Variants in ZNF8 observed in about 807,000 individuals in gnomAD.
The protein encoded by ZNF8 is zinc finger protein 8.
In ZNF8, 9 loss-of-function variants were observed where a neutral mutation model predicts 12.2. The ratio of observed to expected loss-of-function variants is 0.73; its 90% CI spans 0.44 to 1.28. The LOEUF (loss-of-function observed/expected upper bound fraction) is 1.28. ZNF8 is among the 50% of genes most tolerant of loss of function. ZNF8 has a pLI of 0.00. For missense variants in ZNF8, 664 were observed against 729.1 expected (o/e 0.91, Z 1.03); for synonymous variants, 274 against 282.3 (o/e 0.97, Z 0.30).
intron 1 of ZNF8, among the ~76,000 whole-genome samples, chr19:58,285,159 T>TG (rs950509762): frequency 2.7e-5 from 4 of 150,106 alleles, no homozygotes; most frequent in Non-Finnish European, 5.9e-5. Context: ...GTTTTTTTGT[T>TG]TTTTTTTTTT....
rs540035257 is a variant in ZNF8, at chr19:58,285,993, T to C, written c.194-117T>C. On this transcript the variant is annotated intron_variant, in intron 2 of 3. Coordinates refer to ENST00000621650, the MANE Select transcript of ZNF8 (RefSeq NM_021089.3). ...GCCCTTTTCCATCACCATGCAGAGC[T>C]TCACCATGTTGTGAGGTGCCCACGT... 1.0e-4 allele frequency: 147 copies of C among 1,409,402 alleles called. 2 individuals carry two copies. In the South Asian group the frequency reaches 1.7e-3, roughly 16 times the overall value. 87.3% of individuals were successfully genotyped at this position (1,409,402 alleles called of 1,614,324 possible). A position where few individuals can be genotyped will look rare whatever the true frequency, so the allele number is the denominator to read the frequency against.
chr19:58,290,906 A>T (rs970562038), intron 3 of ZNF8, among the ~76,000 whole-genome samples: 8 of 152,322 alleles, frequency 5.3e-5, no homozygotes, highest in Admixed American at 3.9e-4. Context: ...CAAAAAAATT[A>T]GCTGGGTGTG....
rs774910816 is a variant in ZNF8 at position 58,294,178 on chromosome 19, A to G, written c.370A>G (p.Arg124Gly). The G allele has an allele frequency of 6.2e-6, 10 of 1,613,964 alleles. No individual in the cohort carries two copies. In the Admixed American group the frequency reaches 1.0e-4, roughly 16 times the overall value. Residue 124 changes from arginine (R) to glycine (G), a missense_variant, in exon 4 of 4, where the codon AGG (arginine) becomes GGG (glycine). Physicochemically the swap from Arg to Gly is moderately radical, Grantham distance 125 (BLOSUM62 -2). Around this residue, in one of 3 missense-constraint regions of ZNF8, gnomAD observed 306 missense variants for 308.7 expected, o/e 0.99. Transcript: ENST00000621650. The surrounding 1 kb of genome is among the most constrained non-coding windows in gnomAD (Gnocchi z 5.5). ...AGAGGAGCCATCCCATGTCACGGGA[A>G]GGGAAGGATTCCCGACAGATGCTCC... ...PEEEPSHVTG[R>G]EGFPTDAPYP...
At chr19:58,287,677 C>G (rs1056386994) in intron 3 of ZNF8, among the ~76,000 whole-genome samples, 53 of 138,242 alleles carry the variant, frequency 3.8e-4, no homozygotes, top group African/African-American at 1.4e-3. Context: ...AGTCTCACTC[C>G]GTTGCACAGG....
At chr19:58,279,225 G>C (rs1568521533) in intron 1 of ZNF8, 78 bp downstream of exon 1, 1 of 1,536,988 alleles carries the variant, frequency 6.5e-7, no homozygotes. Context: ...TCACCTCGCG[G>C]CGCGATGAGA....
chr19:58,285,768 G>A lies in ZNF8; in HGVS notation c.118G>A (p.Gly40Arg). ...VAVDFTQEEW[G>R]QLDPTQRILY... The stretch of plus-strand genomic sequence containing the variant: ...TGTGGACTTTACCCAGGAGGAATGG[G>A]GGCAGCTGGACCCTACCCAGAGGAT... Residue 40 changes from glycine to arginine, a missense_variant, in exon 2 of 4, where the codon GGG becomes AGG. Transcript: ENST00000621650. 6.2e-7 allele frequency: 1 copy of A among 1,614,158 alleles called. No individual in the cohort carries two copies.
At position 58,294,647 on chromosome 19, in the gene ZNF8, C is replaced by T. The variant is rs1479605788; in HGVS notation, c.839C>T (p.Thr280Met). 9 of 1,614,016 alleles carry T rather than the reference C, an allele frequency of 5.6e-6. No homozygotes were observed. Among genetic ancestry groups the T allele is most frequent in the East Asian group, 2.2e-5 (1 of 44,902 alleles). Residue 280 changes from threonine to methionine, a missense_variant, in exon 4 of 4, where the codon ACG becomes ATG. Thr to Met is a moderately conservative substitution (Grantham distance 81). Coordinates refer to ENST00000621650, the MANE Select transcript of ZNF8 (RefSeq NM_021089.3). The surrounding 1 kb of genome is among the most constrained non-coding windows in gnomAD (Gnocchi z 5.5). The stretch of plus-strand genomic sequence containing the variant: ...CTCACCGTGCACAAGAGGATTCATA[C>T]GGGAGAAAGACCTTATATGTGCAAG... ...AHLTVHKRIH[T>M]GERPYMCKEC...
chr19:58,295,054 C>G lies in ZNF8; in HGVS notation c.1246C>G (p.Gln416Glu). The part of the protein sequence containing the change: ...FRHSSSLAQH[Q>E]RKHAGEKPFE... ...GCACAGCTCATCCCTGGCCCAGCAC[C>G]AGCGGAAGCACGCGGGGGAGAAGCC... Residue 416 changes from glutamine to glutamate, a missense_variant, in exon 4 of 4, where the codon CAG (glutamine) becomes GAG (glutamate). Gln to Glu is a conservative substitution (Grantham distance 29, BLOSUM62 2). This residue lies in a region of ZNF8 where 225 missense variants were observed against 222.0 expected (regional missense o/e 1.01). Coordinates refer to ENST00000621650, the MANE Select transcript of ZNF8 (RefSeq NM_021089.3). 1 of 1,614,106 alleles carries G rather than the reference C, an allele frequency of 6.2e-7. No individual in the cohort carries two copies.
At chr19:58,279,473 A>G (rs1265074888) in intron 1 of ZNF8, 6 of 1,460,550 alleles carry the variant, frequency 4.1e-6, no homozygotes, top group Middle Eastern at 2.5e-4. Context: ...TGCCCATTCC[A>G]GGAAGGTCTG....
At chr19:58,288,588 T>C (rs1309042708) in intron 3 of ZNF8, among the ~76,000 whole-genome samples, 1 of 152,182 alleles carries the variant, frequency 6.6e-6, no homozygotes, top group East Asian at 1.9e-4. Flanking sequence ...TAGGGGTGTC[T>C]AGATTGTCAT....
rs2051378364 is a variant in ZNF8, at chr19:58,285,633, T to C, written c.67-84T>C. 13 of 1,601,958 alleles carry C rather than the reference T, an allele frequency of 8.1e-6. 2 individuals carry two copies. Among genetic ancestry groups the C allele is most frequent in the Middle Eastern group, 1.7e-4 (1 of 6,034 alleles). ...CAGTCTCTCGTGACACAGGCCTGCC[T>C]GTTTTCTCCTTTTCCATTCTTCCTC... On this transcript the variant is annotated intron_variant, in intron 1 of 3. Transcript: ENST00000621650.
chr19:58,284,926 G>A (rs967068361), intron 1 of ZNF8, among the ~76,000 whole-genome samples: 20 of 152,142 alleles, frequency 1.3e-4, no homozygotes, highest in African/African-American at 4.3e-4. Flanking sequence ...TTCTGACAAA[G>A]GGACCTGTAT....
At chr19:58,279,256 C>G in intron 1 of ZNF8, 109 bp downstream of exon 1, 1 of 1,527,114 alleles carries the variant, frequency 6.5e-7, no homozygotes, top group Non-Finnish European at 8.8e-7. Flanking sequence ...TGTTAATGCC[C>G]TTGACACGTG....
Position 58,285,770 on chromosome 19 carries a change from G to A in ZNF8, c.120G>A (p.Gly40=). ...TGGACTTTACCCAGGAGGAATGGGG[G>A]CAGCTGGACCCTACCCAGAGGATCC... ...VAVDFTQEEW[G]QLDPTQRILY... The change falls in exon 2 of 4, where the codon GGG becomes GGA. Residue 40 remains glycine, a synonymous_variant. Transcript: ENST00000621650. 1 of 1,614,188 alleles carries A rather than the reference G, an allele frequency of 6.2e-7. No homozygotes were observed. Among genetic ancestry groups the A allele is most frequent in the Non-Finnish European group, 8.5e-7 (1 of 1,180,022 alleles).
intron 3 of ZNF8, among the ~76,000 whole-genome samples, chr19:58,287,194 C>T (rs930972606): frequency 6.6e-6 from 1 of 152,136 alleles, no homozygotes; most frequent in Non-Finnish European, 1.5e-5. Flanking sequence ...CATGCACCAC[C>T]ACGCCCTGGT....
chr19:58,300,370 T>C lies in ZNF8; in HGVS notation c.*4834T>C, dbSNP rs1009599723. The stretch of plus-strand genomic sequence containing the variant: ...AGGAGACTCCTATGGCTCCAGCCAT[T>C]GCATCCACAGTGAAGACTGAAAGAA... On this transcript the variant is annotated 3_prime_UTR_variant, in exon 4 of 4. Transcript: ENST00000621650. 4 of 152,328 alleles carry C rather than the reference T, an allele frequency of 2.6e-5. No individual in the cohort carries two copies. The East Asian group carries it at 5.8e-4, about 22-fold the overall frequency. The allele number at this position is 152,328 out of a possible 1,614,324, so 9.4% of individuals were successfully genotyped here. A position where few individuals can be genotyped will look rare whatever the true frequency, so the allele number is the denominator to read the frequency against.
chr19:58,299,165 T>C lies in ZNF8; in HGVS notation c.*3629T>C, dbSNP rs898656538. The C allele has an allele frequency of 6.7e-6, 1 of 148,764 alleles. No individual in the cohort carries two copies. The highest frequency in any genetic ancestry group is 1.5e-5 in the Non-Finnish European group (1 of 67,552). 9.2% of individuals were successfully genotyped at this position (148,764 alleles called of 1,614,324 possible). A position where few individuals can be genotyped will look rare whatever the true frequency, so the allele number is the denominator to read the frequency against. ...TCTCGCTGTGTCACCCAGGCTGGAG[T>C]GCAGTGGTGCGATCTCGGCTCACTG... is the stretch of plus-strand genomic sequence containing the variant. On this transcript the variant is annotated 3_prime_UTR_variant, in exon 4 of 4. Transcript: ENST00000621650.
In ZNF8 at chr19:58,279,004, T is replaced by G. The variant is rs1450188511; in HGVS notation, c.-78T>G. The G allele has an allele frequency of 1.4e-5, 18 of 1,327,608 alleles. No homozygotes were observed. Among genetic ancestry groups the G allele is most frequent in the South Asian group, 1.0e-4 (5 of 47,784 alleles). The allele number at this position is 1,327,608 out of a possible 1,614,324, so 82.2% of individuals were successfully genotyped here. On this transcript the variant is annotated 5_prime_UTR_variant, in exon 1 of 4. Transcript: ENST00000621650. ...CCGCCATTGTCCGGCGTTCGGCGAG[T>G]CGGGTGGTCCCTTTGGCTGGAGTGC...
chr19:58,294,491 C>G lies in ZNF8; in HGVS notation c.683C>G (p.Pro228Arg). The G allele has an allele frequency of 6.2e-7, 1 of 1,614,134 alleles. No individual in the cohort carries two copies. Among genetic ancestry groups the G allele is most frequent in the South Asian group, 1.1e-5 (1 of 91,074 alleles). ...CAGACAGGCTCCCCAGGAAAACAGCCCGGTGAAAACAGTGACTGTCACAGA... is the reference window on the plus strand; with the variant it reads ...CAGACAGGCTCCCCAGGAAAACAGCGCGGTGAAAACAGTGACTGTCACAGA... ...SQQTGSPGKQ[P>R]GENSDCHRDS... The change falls in exon 4 of 4, where the codon CCC (proline) becomes CGC (arginine). Residue 228 changes from proline (P) to arginine (R), a missense_variant. Coordinates refer to ENST00000621650, the MANE Select transcript of ZNF8 (RefSeq NM_021089.3). This position sits in a 1 kb window ranked among gnomAD's most constrained non-coding sequence, Gnocchi z 5.5.
Sources: allele counts gnomAD v4.1 joint callset (sites outside exome capture counted in the v4.1 genomes callset), GRCh38; gene constraint gnomAD v4.1.1; regional missense constraint gnomAD v4.1.1; non-coding constraint Gnocchi (gnomAD v3.1); transcripts MANE v1.5; gene names NCBI Gene and HGNC (gene_info 2026-07-23, HGNC 2026-07-21).